The following ZNF106 variants were observed in gnomAD, a reference collection of about 807,000 sequenced individuals.
The protein encoded by ZNF106 is SH3-domain binding protein 3.
Under a neutral mutation model 195.1 loss-of-function variants are expected in ZNF106, and 67 were observed. The ratio of observed to expected loss-of-function variants is 0.34; its 90% CI spans 0.28 to 0.42. ZNF106 has a LOEUF of 0.42. ZNF106 is among the 10% of genes least tolerant of loss of function. The pLI is 1.00. For synonymous variants in ZNF106, 784 were observed against 818.6 expected (o/e 0.96, Z 0.72); for missense variants, 2,118 against 2,304.5 (o/e 0.92, Z 1.66).
intron 17 of ZNF106, 146 bp from the exon 18 acceptor site, chr15:42,422,766 TTAATACAAC>T: frequency 1.1e-5 from 8 of 755,512 alleles, no homozygotes; most frequent in African/African-American, 1.8e-5. Context: ...ACAAATACAG[TTAATACAAC>T]TGTATTAACT....
intron 1 of ZNF106, chr15:42,490,336 G>C (rs2057122609): frequency 6.6e-6 from 1 of 152,126 alleles, no homozygotes; most frequent in South Asian, 2.1e-4. Context: ...TACCTAGGAT[G>C]ACAGTCTCAA....
chr15:42,473,712 G>C (rs927610003), intron 1 of ZNF106, among the ~76,000 whole-genome samples: 2 of 152,070 alleles, frequency 1.3e-5, no homozygotes, highest in Admixed American at 6.6e-5. Context: ...CACTGTGGTA[G>C]ATCATGTTTC....
Position 42,451,436 on chromosome 15 carries a change from A to G in ZNF106, c.836T>C (p.Met279Thr). The G allele has an allele frequency of 6.2e-7, 1 of 1,614,160 alleles. No individual in the cohort carries two copies. The highest frequency in any genetic ancestry group is 8.5e-7 in the Non-Finnish European group (1 of 1,180,030). ...GTTCCATAGCATAGTCATGTCTTCCATTTGACAGTTAGAATTTCTGTTTCT... is the reference window on the plus strand; with the variant it reads ...GTTCCATAGCATAGTCATGTCTTCCGTTTGACAGTTAGAATTTCTGTTTCT... ...PGRNRNSNCQ[M>T]EDMTMLWNKK... is the part of the protein sequence containing the mutation. The change falls in exon 5 of 22, where the codon ATG (methionine) becomes ACG (threonine). Residue 279 changes from methionine to threonine, a missense_variant. Physicochemically the swap from Met to Thr is moderately conservative, Grantham distance 81. Coordinates refer to ENST00000564754, the MANE Select transcript of ZNF106 (RefSeq NM_001366845.3).
chr15:42,477,965 T>G (rs879560024), intron 1 of ZNF106, among the ~76,000 whole-genome samples: 1 of 152,032 alleles, frequency 6.6e-6, no homozygotes, highest in Admixed American at 6.6e-5. Context: ...CAAACCAATA[T>G]TGATACACTG....
Position 42,416,635 on chromosome 15 carries a change from C to T in ZNF106, c.*669G>A, listed in dbSNP as rs1409788638. On this transcript the variant is annotated 3_prime_UTR_variant, in exon 22 of 22. Transcript: ENST00000564754. ...TACAGAGATTTACTAGAAGTGGTGT[C>T]TGTAAGGACTTGTCACTATGTGATT... 1 of 152,248 alleles carries T rather than the reference C, an allele frequency of 6.6e-6. No individual in the cohort carries two copies. The highest frequency in any genetic ancestry group is 6.5e-5 in the Admixed American group (1 of 15,278). 9.4% of individuals were successfully genotyped at this position (152,248 alleles called of 1,614,324 possible). A position where few individuals can be genotyped will look rare whatever the true frequency, so the allele number is the denominator to read the frequency against.
Position 42,450,161 on chromosome 15 carries a change from T to C in ZNF106, c.2111A>G (p.Asp704Gly), listed in dbSNP as rs2055940741. Residue 704 changes from aspartate (D) to glycine (G), a missense_variant, in exon 5 of 22, where the codon GAC becomes GGC. Asp to Gly is a moderately conservative substitution (Grantham distance 94). Coordinates refer to ENST00000564754, the MANE Select transcript of ZNF106 (RefSeq NM_001366845.3). ...KTSLEDAQVD[D>G]SIKSHVSYET... Reference sequence around the variant, plus strand: ...ATAAGATACATGAGATTTAATAGAGTCATCAACCTGTGCATCTTCTAGAGA... The same window carrying C: ...ATAAGATACATGAGATTTAATAGAGCCATCAACCTGTGCATCTTCTAGAGA... The C allele has an allele frequency of 6.2e-7, 1 of 1,614,104 alleles. No individual in the cohort carries two copies. The highest frequency in any genetic ancestry group is 8.5e-7 in the Non-Finnish European group (1 of 1,180,024).
At chr15:42,489,993 C>G (rs1214631448) in intron 1 of ZNF106, among the ~76,000 whole-genome samples, 1 of 151,970 alleles carries the variant, frequency 6.6e-6, no homozygotes, top group Non-Finnish European at 1.5e-5. Flanking sequence ...GAGCCAAGAT[C>G]CCGCCACTGC....
At chr15:42,424,311 C>A (rs2054775029) in intron 16 of ZNF106, 2 of 460,298 alleles carry the variant, frequency 4.3e-6, no homozygotes, top group East Asian at 3.4e-5. Context: ...CCTAGAAGGG[C>A]ATTCGAGTAT....
In ZNF106 at chr15:42,450,845, G is replaced by A; in HGVS notation, c.1427C>T (p.Pro476Leu). ...TPNKMPSLKS[P>L]LLPCPATKSL... is the part of the protein sequence containing the mutation. ...TTTAGTGGCTGGACATGGAAGGAGT[G>A]GGGATTTCAATGATGGCATTTTATT... is the stretch of plus-strand genomic sequence containing the variant. Residue 476 changes from proline to leucine, a missense_variant, in exon 5 of 22, where the codon CCA becomes CTA. By Grantham distance (98) the Pro-to-Leu change is moderately conservative. Transcript: ENST00000564754. 1 of 1,614,140 alleles carries A rather than the reference G, an allele frequency of 6.2e-7. No individual in the cohort carries two copies. Among genetic ancestry groups the A allele is most frequent in the Non-Finnish European group, 8.5e-7 (1 of 1,180,024 alleles).
chr15:42,459,759 GGC>G (rs2056342486), intron 3 of ZNF106, among the ~76,000 whole-genome samples: 2 of 152,146 alleles, frequency 1.3e-5, no homozygotes, highest in African/African-American at 4.8e-5. Context: ...TCTTTTTGTT[GGC>G]CAGGCGCAGT....
At chr15:42,425,212 C>T (rs1034005555) in intron 15 of ZNF106, among the ~76,000 whole-genome samples, 187 bp from the exon 16 acceptor site, 2 of 152,158 alleles carry the variant, frequency 1.3e-5, no homozygotes, top group Non-Finnish European at 2.9e-5. Context: ...CTCCCCCATC[C>T]CCTGATCTGA....
At chr15:42,429,011 C>T (rs901215824) in intron 14 of ZNF106, among the ~76,000 whole-genome samples, 4 of 151,572 alleles carry the variant, frequency 2.6e-5, no homozygotes, top group Non-Finnish European at 5.9e-5. Context: ...GTGATCTGCC[C>T]GCCTCGGCCT....
At chr15:42,464,848 T>C (rs2056478901) in intron 3 of ZNF106, among the ~76,000 whole-genome samples, 1 of 152,170 alleles carries the variant, frequency 6.6e-6, no homozygotes, top group Admixed American at 6.5e-5. Context: ...TCCCCCATAC[T>C]GTTCTCATGG....
chr15:42,413,681 A>C lies in ZNF106; in HGVS notation c.*3623T>G, dbSNP rs2054345440. 6.5e-6 allele frequency: 1 copy of C among 152,682 alleles called. No homozygotes were observed. The highest frequency in any genetic ancestry group is 1.5e-5 in the Non-Finnish European group (1 of 68,050). 9.5% of individuals were successfully genotyped at this position (152,682 alleles called of 1,614,324 possible). A position where few individuals can be genotyped will look rare whatever the true frequency, so the allele number is the denominator to read the frequency against. On this transcript the variant is annotated 3_prime_UTR_variant, in exon 22 of 22. Coordinates refer to ENST00000564754, the MANE Select transcript of ZNF106 (RefSeq NM_001366845.3). The stretch of plus-strand genomic sequence containing the variant: ...CCTGTGTTAAGCAAATAATCACTTA[A>C]ACAGTAATAATATTGCCTCTAAATT...
intron 13 of ZNF106, among the ~76,000 whole-genome samples, chr15:42,435,817 T>C (rs2055252514): frequency 6.6e-6 from 1 of 152,148 alleles, no homozygotes; most frequent in African/African-American, 2.4e-5. Context: ...CTTTCTGACA[T>C]ATGGACCAAG....
chr15:42,469,102 T>C (rs2056601915), intron 2 of ZNF106, among the ~76,000 whole-genome samples: 2 of 151,958 alleles, frequency 1.3e-5, no homozygotes, highest in African/African-American at 4.8e-5. Context: ...GGAGGATCAC[T>C]TGAACCCAGG....
chr15:42,484,829 C>T lies in ZNF106; in HGVS notation c.-33+6151G>A, dbSNP rs11638129. ...CTTTCTGAACTAAAGAAAGCACAGTCCCTTGATTTACACATTAACTATGCT... is the reference window on the plus strand; with the variant it reads ...CTTTCTGAACTAAAGAAAGCACAGTTCCTTGATTTACACATTAACTATGCT... On this transcript the variant is annotated intron_variant, in intron 1 of 21. Transcript: ENST00000564754. Among the ~76,000 whole-genome samples, 309 of 152,158 alleles carry T rather than the reference C, an allele frequency of 2.0e-3. 1 individual carries two copies. The highest frequency in any genetic ancestry group is 3.4e-3 in the Non-Finnish European group (232 of 68,006).
chr15:42,416,326 G>A lies in ZNF106; in HGVS notation c.*978C>T, dbSNP rs905085983. The A allele has an allele frequency of 6.6e-6, 1 of 152,266 alleles. No homozygotes were observed. Among genetic ancestry groups the A allele is most frequent in the African/African-American group, 2.4e-5 (1 of 41,406 alleles). 9.4% of individuals were successfully genotyped at this position (152,266 alleles called of 1,614,324 possible). ...TCCCCCACCATCTTAGTTGCTGCAG[G>A]GGGGTGGAAAACACCCCGTGAGCCC... On this transcript the variant is annotated 3_prime_UTR_variant, in exon 22 of 22. Transcript: ENST00000564754.
At chr15:42,490,936 T>C (rs949499430) in intron 1 of ZNF106, 44 bp downstream of exon 1, 3 of 152,400 alleles carry the variant, frequency 2.0e-5, no homozygotes, top group African/African-American at 7.2e-5. Context: ...CCAGGACCCT[T>C]GGGCTCCGAT....
Sources: gnomAD v4.1 joint callset for allele counts (sites outside exome capture counted in the v4.1 genomes callset) on GRCh38, gnomAD v4.1.1 for gene constraint, MANE v1.5 for transcripts, NCBI Gene and HGNC (gene_info 2026-07-23, HGNC 2026-07-21) for gene names.